The following TBC1D5 variants were observed in gnomAD, a reference collection of about 807,000 sequenced individuals.
TBC1D5 encodes the protein TBC1 domain family, member 5.
A neutral mutation model predicts 100.3 loss-of-function variants in TBC1D5; 75 were observed. The observed-to-expected ratio is 0.75, with a 90% confidence interval of 0.62 to 0.91. The LOEUF is 0.91. Ranked by LOEUF, TBC1D5 falls within the 40% of genes least tolerant of loss-of-function variation. The probability of loss-of-function intolerance (pLI) is 0.00; values close to 1 mark genes in which losing one functional copy is unlikely to be tolerated. For missense variants in TBC1D5, 910 were observed against 942.4 expected, an observed-to-expected ratio of 0.97 and a Z score of 0.45; for synonymous variants, 323 against 325.6, an observed-to-expected ratio of 0.99 and a Z score of 0.09.
chr3:17,546,993 G>A (rs1385335144), intron 2 of TBC1D5: 1 of 152,152 alleles, frequency 6.6e-6, no homozygotes, highest in African/African-American at 2.4e-5. Flanking sequence ...ACAATTAAAT[G>A]ATTCAGCAAC....
chr3:17,678,612 C>A (rs4909009), intron 1 of TBC1D5, among the ~76,000 whole-genome samples: 82,318 of 144,644 alleles, frequency 0.57, 24,509 homozygotes, highest in East Asian at 0.99. Flanking sequence ...CACACATCCC[C>A]CTTCTACACT....
At chr3:17,417,276 G>A (rs1366481729) in intron 4 of TBC1D5, among the ~76,000 whole-genome samples, 2 of 151,688 alleles carry the variant, frequency 1.3e-5, no homozygotes, top group African/African-American at 2.4e-5. Flanking sequence ...GTGCCATGCT[G>A]GTGTGCTGCA....
At chr3:17,215,398 C>T (rs960482167) in intron 17 of TBC1D5, among the ~76,000 whole-genome samples, 11 of 152,046 alleles carry the variant, frequency 7.2e-5, no homozygotes, top group African/African-American at 2.7e-4. Context: ...AGCTCAACTT[C>T]CAATTTTTGG....
chr3:17,631,240 T>A (rs1017021357), intron 1 of TBC1D5, among the ~76,000 whole-genome samples: 1 of 152,152 alleles, frequency 6.6e-6, no homozygotes, highest in Non-Finnish European at 1.5e-5. Flanking sequence ...AACATCCCCT[T>A]AAACCAAAGT....
chr3:17,423,678 T>C (rs1276198850), intron 4 of TBC1D5, among the ~76,000 whole-genome samples: 1 of 149,304 alleles, frequency 6.7e-6, no homozygotes, highest in East Asian at 1.9e-4. Context: ...AAAATATAAA[T>C]AATGTCATGT....
intron 2 of TBC1D5, among the ~76,000 whole-genome samples, chr3:17,597,289 G>A (rs2060634414): frequency 6.6e-6 from 1 of 152,120 alleles, no homozygotes; most frequent in South Asian, 2.1e-4. Flanking sequence ...TCTATTGAGT[G>A]CTTACTATGA....
At chr3:17,685,428 A>G (rs1362503743) in intron 1 of TBC1D5, among the ~76,000 whole-genome samples, 1 of 152,032 alleles carries the variant, frequency 6.6e-6, no homozygotes, top group Non-Finnish European at 1.5e-5. Context: ...ATAAATAATG[A>G]AATACATAAA....
chr3:17,419,603 C>G lies in TBC1D5; in HGVS notation c.167+8847G>C, dbSNP rs1407450885. Among the ~76,000 whole-genome samples the G allele has an allele frequency of 2.0e-5, 3 of 152,120 alleles. No individual in the cohort carries two copies. The East Asian group carries it at 5.8e-4, about 29-fold the overall frequency. ...GAAGCTCCTGCCCCAGCTAGAACAC[C>G]TAGCAAACAGATTTTCCTCCTAACA... On this transcript the variant is annotated intron_variant, in intron 4 of 21. Transcript: ENST00000253692.
chr3:17,720,810 CTT>C (rs60219312), intron 1 of TBC1D5, among the ~76,000 whole-genome samples: 1 of 145,496 alleles, frequency 6.9e-6, no homozygotes, highest in African/African-American at 2.5e-5. Flanking sequence ...GTGAGACTTT[CTT>C]TTTTTTTTTG....
At chr3:17,307,583 G>T (rs2083523207) in intron 14 of TBC1D5, among the ~76,000 whole-genome samples, 1 of 152,050 alleles carries the variant, frequency 6.6e-6, no homozygotes, top group Non-Finnish European at 1.5e-5. Context: ...AATTAGCAAG[G>T]TGTTGATATT....
intron 17 of TBC1D5, among the ~76,000 whole-genome samples, chr3:17,214,576 A>C (rs1407630960): frequency 2.0e-5 from 3 of 152,062 alleles, no homozygotes; most frequent in Non-Finnish European, 4.4e-5. Flanking sequence ...GGTATCTACC[A>C]CTATAGTTTT....
chr3:17,581,822 A>G (rs1211572956), intron 2 of TBC1D5, among the ~76,000 whole-genome samples: 1 of 152,174 alleles, frequency 6.6e-6, no homozygotes, highest in East Asian at 1.9e-4. Context: ...TCCTTAAAAG[A>G]CCTAGATTCT....
intron 2 of TBC1D5, among the ~76,000 whole-genome samples, chr3:17,521,073 G>A (rs192046559): frequency 6.6e-6 from 1 of 152,256 alleles, no homozygotes; most frequent in African/African-American, 2.4e-5. Flanking sequence ...AAATATAATA[G>A]ACAAATGAAC....
chr3:17,437,346 A>G (rs2094553908), intron 3 of TBC1D5, among the ~76,000 whole-genome samples: 1 of 152,208 alleles, frequency 6.6e-6, no homozygotes, highest in Non-Finnish European at 1.5e-5. Context: ...ATTTCTATTT[A>G]GTATGATTGT....
chr3:17,687,299 C>G (rs991406815), intron 1 of TBC1D5, among the ~76,000 whole-genome samples: 4 of 151,994 alleles, frequency 2.6e-5, no homozygotes, highest in African/African-American at 9.7e-5. Flanking sequence ...GCATTAAAAG[C>G]TAAATTTAGC....
chr3:17,525,081 G>A lies in TBC1D5; in HGVS notation c.-35-16476C>T, dbSNP rs116482889. On this transcript the variant is annotated intron_variant, in intron 2 of 21. Transcript: ENST00000253692. ...ACACAAGAAACCAACAAAGCATGAGGAGGAATTCTCCAACTGTATACATAA... is the reference window on the plus strand; with the variant it reads ...ACACAAGAAACCAACAAAGCATGAGAAGGAATTCTCCAACTGTATACATAA... Among the ~76,000 whole-genome samples the A allele has an allele frequency of 9.9e-3, 1,507 of 152,224 alleles. 28 individuals carry two copies. The highest frequency in any genetic ancestry group is 0.034 in the African/African-American group (1,411 of 41,542).
At chr3:17,566,802 T>G (rs1266998572) in intron 2 of TBC1D5, among the ~76,000 whole-genome samples, 1 of 151,854 alleles carries the variant, frequency 6.6e-6, no homozygotes, top group African/African-American at 2.4e-5. Flanking sequence ...TAAACAAACT[T>G]AGAAGGCCTT....
chr3:17,214,527 T>G (rs988129252), intron 17 of TBC1D5, among the ~76,000 whole-genome samples, 157 bp from the exon 19 acceptor site: 1 of 152,136 alleles, frequency 6.6e-6, no homozygotes, highest in Non-Finnish European at 1.5e-5. Flanking sequence ...TGCATTTTTA[T>G]GTATCAGAAT....
chr3:17,532,892 G>C (rs938631706), intron 2 of TBC1D5, among the ~76,000 whole-genome samples: 2 of 151,718 alleles, frequency 1.3e-5, no homozygotes, highest in Non-Finnish European at 2.9e-5. Context: ...TACTAAATGA[G>C]GAGTTAATGG....
Sources: gnomAD v4.1 joint callset for allele counts (sites outside exome capture counted in the v4.1 genomes callset) on GRCh38, gnomAD v4.1.1 for gene constraint, MANE v1.5 for transcripts, NCBI Gene and HGNC (gene_info 2026-07-23, HGNC 2026-07-21) for gene names.